Variants in PPARGC1B observed in about 807,000 individuals in gnomAD.
PPARGC1B encodes the protein PPARG coactivator 1 beta.
A neutral mutation model predicts 101.6 loss-of-function variants in PPARGC1B; 34 were observed. The ratio of observed to expected loss-of-function variants is 0.33; its 90% CI spans 0.25 to 0.45. The LOEUF is 0.45. Ranked by LOEUF, PPARGC1B falls within the 20% of genes least tolerant of loss-of-function variation. The pLI is 1.00. For missense variants in PPARGC1B, 1,234 were observed against 1,317.6 expected (o/e 0.94, Z 0.98); for synonymous variants, 548 against 539.3 (o/e 1.02, Z -0.22).
At chr5:149,813,041 G>A (rs17110444) in intron 1 of PPARGC1B, among the ~76,000 whole-genome samples, 1,959 of 152,306 alleles carry the variant, frequency 0.013, 31 homozygotes, top group African/African-American at 0.043. Flanking sequence ...GAGGCGCAGG[G>A]TCATAATGTA....
At position 149,837,180 on chromosome 5, in the gene PPARGC1B, T is replaced by A; in HGVS notation, c.2618+107T>A. On this transcript the variant is annotated intron_variant, in intron 8 of 11. Coordinates refer to ENST00000309241, the MANE Select transcript of PPARGC1B (RefSeq NM_133263.4). This position sits in a 1 kb window ranked among gnomAD's most constrained non-coding sequence, Gnocchi z 4.2. Reference sequence around the variant, plus strand: ...ATCCCTGGGAAGCTTGCTCTGAAACTGAGGCTGCATCTCCCAGTGTGGCCC... The same window carrying A: ...ATCCCTGGGAAGCTTGCTCTGAAACAGAGGCTGCATCTCCCAGTGTGGCCC... 6.8e-7 allele frequency: 1 copy of A among 1,474,518 alleles called. No individual in the cohort carries two copies. The allele number at this position is 1,474,518 out of a possible 1,614,324, so 91.3% of individuals were successfully genotyped here.
chr5:149,755,050 T>C (rs373800193), intron 1 of PPARGC1B, among the ~76,000 whole-genome samples: 16,952 of 76,662 alleles, frequency 0.22, 1,140 homozygotes, highest in South Asian at 0.38. Context: ...CATATACATA[T>C]ACATATATAT....
At chr5:149,797,527 T>A (rs751006842) in intron 1 of PPARGC1B, among the ~76,000 whole-genome samples, 1 of 152,256 alleles carries the variant, frequency 6.6e-6, no homozygotes, top group Non-Finnish European at 1.5e-5. Flanking sequence ...TATTTGTTAA[T>A]AAGGAAACAC....
intron 1 of PPARGC1B, among the ~76,000 whole-genome samples, chr5:149,785,474 C>T (rs1416445345): frequency 6.6e-6 from 1 of 152,230 alleles, no homozygotes; most frequent in Non-Finnish European, 1.5e-5. Context: ...AGGCACCACC[C>T]TCCTTTCCAG....
chr5:149,751,484 T>A (rs1755302366), intron 1 of PPARGC1B, among the ~76,000 whole-genome samples: 1 of 152,036 alleles, frequency 6.6e-6, no homozygotes, highest in Admixed American at 6.5e-5. Context: ...GGCGGGCGGA[T>A]CACCTGAGGT....
intron 11 of PPARGC1B, chr5:149,847,216 G>A (rs1759598918): frequency 1.6e-6 from 1 of 644,030 alleles, no homozygotes; most frequent in South Asian, 1.7e-5. Flanking sequence ...GAGTGCTCTA[G>A]TTTGGGCCTC....
At chr5:149,835,533 C>T (rs1759018755) in intron 7 of PPARGC1B, among the ~76,000 whole-genome samples, 168 bp downstream of exon 7, 1 of 152,204 alleles carries the variant, frequency 6.6e-6, no homozygotes, top group South Asian at 2.1e-4. Flanking sequence ...AAAGGAAGAT[C>T]ATTACAAATT....
intron 1 of PPARGC1B, among the ~76,000 whole-genome samples, chr5:149,817,142 TC>T (rs1758090045): frequency 6.6e-6 from 1 of 152,186 alleles, no homozygotes; most frequent in Non-Finnish European, 1.5e-5. Flanking sequence ...GCAATGCTCT[TC>T]CCACCTCTTC....
Position 149,832,092 on chromosome 5 carries a change from A to C in PPARGC1B, c.583-564A>C, listed in dbSNP as rs1364330890. Among the ~76,000 whole-genome samples, 1 of 152,150 alleles carries C rather than the reference A, an allele frequency of 6.6e-6. No homozygotes were observed. Among genetic ancestry groups the C allele is most frequent in the East Asian group, 1.9e-4 (1 of 5,184 alleles). On this transcript the variant is annotated intron_variant, in intron 4 of 11. Coordinates refer to ENST00000309241, the MANE Select transcript of PPARGC1B (RefSeq NM_133263.4). This position sits in a 1 kb window ranked among gnomAD's most constrained non-coding sequence, Gnocchi z 4.9. ...GAGGCTGAGGCGGGAGGATCACTTG[A>C]GCTCAGGAGTTCAAGACCAGCCTGG...
intron 1 of PPARGC1B, among the ~76,000 whole-genome samples, chr5:149,808,690 T>A (rs769558663): frequency 1.4e-4 from 21 of 152,294 alleles, no homozygotes; most frequent in Admixed American, 2.6e-4. Context: ...CATGTTGCGC[T>A]CTCTTGTTTT....
chr5:149,847,948 T>C lies in PPARGC1B; in HGVS notation c.*390T>C. The C allele has an allele frequency of 4.7e-6, 1 of 213,866 alleles. No individual in the cohort carries two copies. The highest frequency in any genetic ancestry group is 1.1e-4 in the South Asian group (1 of 8,810). The allele number at this position is 213,866 out of a possible 1,614,324, so 13.2% of individuals were successfully genotyped here. On this transcript the variant is annotated 3_prime_UTR_variant, in exon 12 of 12. Coordinates refer to ENST00000309241, the MANE Select transcript of PPARGC1B (RefSeq NM_133263.4). ...AGTGTGTGATGATGAAATTGTTACT[T>C]GTGAATAGAATCAGGACTATAAACT...
intron 1 of PPARGC1B, among the ~76,000 whole-genome samples, chr5:149,767,711 C>G (rs1030472374): frequency 6.6e-6 from 1 of 152,044 alleles, no homozygotes; most frequent in Non-Finnish European, 1.5e-5. Context: ...GGACATCTGG[C>G]AGGATCACTG....
At chr5:149,825,796 A>G (rs1169258784) in intron 2 of PPARGC1B, among the ~76,000 whole-genome samples, 1 of 152,196 alleles carries the variant, frequency 6.6e-6, no homozygotes, top group African/African-American at 2.4e-5. Context: ...GGGAGCAAAG[A>G]GTGCAGGGGG....
intron 1 of PPARGC1B, among the ~76,000 whole-genome samples, chr5:149,779,905 C>T (rs138709241): frequency 1.2e-4 from 19 of 152,266 alleles, no homozygotes; most frequent in Admixed American, 3.9e-4. Context: ...AGCCCCTTCC[C>T]AGCCCCTTCC....
chr5:149,856,999 T>C (rs1386526524), downstream of PPARGC1B, among the ~76,000 whole-genome samples: 1 of 152,108 alleles, frequency 6.6e-6, no homozygotes, highest in Admixed American at 6.6e-5. Flanking sequence ...CTCAAACTCC[T>C]GACCTTAGTT....
At chr5:149,763,343 T>C (rs1755783349) in intron 1 of PPARGC1B, among the ~76,000 whole-genome samples, 2 of 152,180 alleles carry the variant, frequency 1.3e-5, no homozygotes, top group South Asian at 4.1e-4. Context: ...GGTGTGTTTT[T>C]CTTTTCTTGT....
At chr5:149,783,177 C>T (rs1276552853) in intron 1 of PPARGC1B, among the ~76,000 whole-genome samples, 5 of 152,182 alleles carry the variant, frequency 3.3e-5, no homozygotes, top group Non-Finnish European at 7.3e-5. Flanking sequence ...ATACTCAACA[C>T]CCCAGAGGCC....
rs1443773982 is a variant in PPARGC1B at position 149,850,327 on chromosome 5, TC to T, written c.*2770del. 6.6e-6 allele frequency: 1 copy of T among 152,198 alleles called. No homozygotes were observed. Among genetic ancestry groups the T allele is most frequent in the Non-Finnish European group, 1.5e-5 (1 of 68,044 alleles). 9.4% of individuals were successfully genotyped at this position (152,198 alleles called of 1,614,324 possible). The stretch of plus-strand genomic sequence containing the variant: ...TTTGGGGTCAGCTAAAGCTGTCCTT[TC>T]ATGTCAGATTAACCTAGGACACTTG... On this transcript the variant is annotated 3_prime_UTR_variant, in exon 12 of 12. Coordinates refer to ENST00000309241, the MANE Select transcript of PPARGC1B (RefSeq NM_133263.4).
intron 3 of PPARGC1B, 81 bp downstream of exon 3, chr5:149,826,966 C>G (rs1758554352): frequency 9.3e-7 from 1 of 1,073,192 alleles, no homozygotes; most frequent in Admixed American, 2.1e-5. Context: ...GCAGAGCAAT[C>G]CGCTCCAGCC....
Sources: gnomAD v4.1 joint callset for allele counts (sites outside exome capture counted in the v4.1 genomes callset) on GRCh38, gnomAD v4.1.1 for gene constraint, Gnocchi (gnomAD v3.1) non-coding constraint, MANE v1.5 for transcripts, NCBI Gene and HGNC (gene_info 2026-07-23, HGNC 2026-07-21) for gene names.